The following TTC6 variants were observed in gnomAD, a reference collection of about 807,000 sequenced individuals.
TTC6 encodes tetratricopeptide repeat domain 6, also known as tetratricopeptide repeat protein 6.
A neutral mutation model predicts 210.4 loss-of-function variants in TTC6; 172 were observed. The observed-to-expected ratio is 0.82, with a 90% confidence interval of 0.72 to 0.93. The LOEUF (loss-of-function observed/expected upper bound fraction) is 0.93. TTC6 is among the 40% of genes least tolerant of loss of function. The pLI, the probability that TTC6 is intolerant of heterozygous loss-of-function variation, is 0.00. For missense variants in TTC6, 2,414 were observed against 2,318.1 expected, an observed-to-expected ratio of 1.04 and a Z score of -0.85; for synonymous variants, 804 against 819.6, an observed-to-expected ratio of 0.98 and a Z score of 0.32.
At chr14:37,792,636 T>G (rs1218850791) in intron 17 of TTC6, among the ~76,000 whole-genome samples, 2 of 151,560 alleles carry the variant, frequency 1.3e-5, no homozygotes, top group African/African-American at 2.4e-5. Flanking sequence ...AATAATACCT[T>G]TTTTTTTCTT....
At chr14:37,673,525 C>G (rs2095762552) in intron 1 of TTC6, among the ~76,000 whole-genome samples, 1 of 152,068 alleles carries the variant, frequency 6.6e-6, no homozygotes, top group South Asian at 2.1e-4. Context: ...ACCTGGATTG[C>G]ATGATGAAGA....
chr14:37,625,607 T>G (rs888250470), intron 1 of TTC6, among the ~76,000 whole-genome samples: 2 of 152,128 alleles, frequency 1.3e-5, no homozygotes, highest in African/African-American at 4.8e-5. Context: ...AAATTATGAT[T>G]TTAAAAATTC....
intron 1 of TTC6, among the ~76,000 whole-genome samples, chr14:37,661,287 C>T (rs2095736846): frequency 6.6e-6 from 1 of 152,150 alleles, no homozygotes; most frequent in African/African-American, 2.4e-5. Context: ...ATGGTATTGC[C>T]TAGATTCTCT....
intron 14 of TTC6, among the ~76,000 whole-genome samples, chr14:37,770,431 G>T (rs200073755): frequency 2.6e-5 from 4 of 151,874 alleles, no homozygotes; most frequent in African/African-American, 9.7e-5. Context: ...TTAATGTGTG[G>T]GAGTCTAAGT....
At chr14:37,776,306 T>C (rs954480622) in intron 14 of TTC6, among the ~76,000 whole-genome samples, 3 of 152,328 alleles carry the variant, frequency 2.0e-5, no homozygotes, top group African/African-American at 7.2e-5. Context: ...GCATTTAGCC[T>C]GTTTACATTC....
chr14:37,602,630 C>A (rs2095617887), intron 1 of TTC6, among the ~76,000 whole-genome samples: 2 of 152,124 alleles, frequency 1.3e-5, no homozygotes. Flanking sequence ...GGTGGATGAA[C>A]CCACTGAACC....
At chr14:37,602,834 G>A (rs879790056) in intron 1 of TTC6, among the ~76,000 whole-genome samples, 12 of 150,030 alleles carry the variant, frequency 8.0e-5, no homozygotes, top group Admixed American at 5.9e-4. Context: ...GTGTAGATTT[G>A]TTTTCTTTCA....
At chr14:37,692,503 A>G (rs1402419240) in intron 3 of TTC6, among the ~76,000 whole-genome samples, 2 of 152,116 alleles carry the variant, frequency 1.3e-5, no homozygotes, top group African/African-American at 4.8e-5. Flanking sequence ...ACATCCCGTC[A>G]TGAACAACAA....
At chr14:37,703,240 C>G (rs575058970) in intron 5 of TTC6, among the ~76,000 whole-genome samples, 1 of 151,982 alleles carries the variant, frequency 6.6e-6, no homozygotes, top group Non-Finnish European at 1.5e-5. Flanking sequence ...GTTAGAAATG[C>G]TAGTTTCTTT....
At chr14:37,614,193 T>C (rs1436556582) in intron 2 of TTC6, among the ~76,000 whole-genome samples, 2 of 152,182 alleles carry the variant, frequency 1.3e-5, no homozygotes, top group Non-Finnish European at 2.9e-5. Context: ...TTTAATAATA[T>C]CTTTTGTTTT....
intron 2 of TTC6, among the ~76,000 whole-genome samples, chr14:37,606,965 T>A (rs1462934157): frequency 1.3e-5 from 2 of 152,348 alleles, no homozygotes; most frequent in South Asian, 4.1e-4. Flanking sequence ...GCATTTGACA[T>A]AATTGTTAAA....
intron 1 of TTC6, among the ~76,000 whole-genome samples, chr14:37,631,201 A>G (rs188769929): frequency 3.3e-5 from 5 of 151,934 alleles, no homozygotes; most frequent in Admixed American, 1.3e-4. Context: ...GTTTCTTCAT[A>G]GTGTTGATGG....
intron 1 of TTC6, among the ~76,000 whole-genome samples, chr14:37,601,927 G>A (rs937489165): frequency 6.6e-6 from 1 of 152,216 alleles, no homozygotes; most frequent in Non-Finnish European, 1.5e-5. Flanking sequence ...TTTCTGTCAG[G>A]CAACACTTTT....
In TTC6 at chr14:37,676,260, G is replaced by A. The variant is rs567548562; in HGVS notation, c.940-3891G>A. Among the ~76,000 whole-genome samples the A allele has an allele frequency of 1.4e-3, 216 of 152,228 alleles. 1 individual carries two copies. Among genetic ancestry groups the A allele is most frequent in the South Asian group, 0.011 (51 of 4,824 alleles). ...CCAGGACACTTACAACTGGTAGGAA[G>A]AGGAAGGGAGTGAAATTCTTAAGCT... On this transcript the variant is annotated intron_variant, in intron 1 of 30. Transcript: ENST00000553443.
At chr14:37,621,973 T>G (rs1295180710), upstream of TTC6, 4 of 971,660 alleles carry the variant, frequency 4.1e-6, no homozygotes, top group Non-Finnish European at 5.8e-6. Flanking sequence ...TGAGCTGAAA[T>G]TTTATTCCAG....
Position 37,764,327 on chromosome 14 carries a change from T to C in TTC6, c.3266+11092T>C, listed in dbSNP as rs72676119. Among the ~76,000 whole-genome samples, 207 of 152,308 alleles carry C rather than the reference T, an allele frequency of 1.4e-3. 1 individual carries two copies. Among genetic ancestry groups the C allele is most frequent in the Non-Finnish European group, 2.4e-3 (165 of 67,994 alleles). On this transcript the variant is annotated intron_variant, in intron 14 of 30. Coordinates refer to ENST00000553443, the Ensembl canonical transcript of TTC6. ...ACTGTTCAAGTCCTCTGTTTCATTG[T>C]TGAACTTCTGTCTAGTTGTTCTATT...
intron 1 of TTC6, among the ~76,000 whole-genome samples, chr14:37,639,927 A>C (rs967575897): frequency 1.3e-5 from 2 of 149,734 alleles, no homozygotes; most frequent in South Asian, 4.2e-4. Flanking sequence ...ATATATCTAT[A>C]TATCTATATA....
intron 3 of TTC6, among the ~76,000 whole-genome samples, chr14:37,694,817 A>G (rs1185680826): frequency 1.3e-5 from 2 of 152,102 alleles, no homozygotes; most frequent in Non-Finnish European, 2.9e-5. Context: ...CTAGCCGTGT[A>G]GATTGCTTGA....
rs1426903700 is a variant in TTC6 at position 37,709,631 on chromosome 14, C to A, written c.1572-5024C>A. ...TCATTCCACCAGATGTCACTGTTTGCATGTAGCAATGAAGTTACGATGATT... is the reference window on the plus strand; with the variant it reads ...TCATTCCACCAGATGTCACTGTTTGAATGTAGCAATGAAGTTACGATGATT... On this transcript the variant is annotated intron_variant, in intron 5 of 30. Coordinates refer to ENST00000553443, the Ensembl canonical transcript of TTC6. Among the ~76,000 whole-genome samples the A allele has an allele frequency of 2.0e-5, 3 of 147,692 alleles. No individual in the cohort carries two copies. In the East Asian group the frequency reaches 5.9e-4, roughly 29 times the overall value.
Sources: allele counts gnomAD v4.1 joint callset (sites outside exome capture counted in the v4.1 genomes callset), GRCh38; gene constraint gnomAD v4.1.1; transcripts MANE v1.5; gene names NCBI Gene and HGNC (gene_info 2026-07-23, HGNC 2026-07-21).